Variants in PARD3B observed in about 807,000 individuals in gnomAD.
The protein encoded by PARD3B is par-3 family cell polarity regulator beta, also known as partitioning defective 3 homolog B.
In PARD3B, 103 loss-of-function variants were observed where a neutral mutation model predicts 130.2. The ratio of observed to expected loss-of-function variants is 0.79; its 90% CI spans 0.67 to 0.93. The LOEUF (loss-of-function observed/expected upper bound fraction) is 0.93, where lower values mean the gene tolerates loss of function less well. PARD3B is among the 40% of genes least tolerant of loss of function. PARD3B has a pLI of 0.00. For missense variants in PARD3B, 1,609 were observed against 1,499.2 expected (o/e 1.07, Z -1.21); for synonymous variants, 583 against 553.2 (o/e 1.05, Z -0.76).
chr2:205,416,256 CATAG>C (rs1439249940), intron 19 of PARD3B, among the ~76,000 whole-genome samples: 1 of 152,014 alleles, frequency 6.6e-6, no homozygotes, highest in African/African-American at 2.4e-5. Context: ...GATATAGTTA[CATAG>C]ATAGATAATA....
intron 2 of PARD3B, among the ~76,000 whole-genome samples, chr2:204,922,914 T>C (rs750080947): frequency 3.9e-5 from 6 of 152,096 alleles, no homozygotes; most frequent in Non-Finnish European, 8.8e-5. Context: ...ATAAACGATA[T>C]AACATACCTT....
chr2:204,932,093 T>A (rs756075765), intron 2 of PARD3B, among the ~76,000 whole-genome samples: 1 of 152,112 alleles, frequency 6.6e-6, no homozygotes, highest in East Asian at 1.9e-4. Flanking sequence ...TTTGGTATTA[T>A]CTTAGAGATC....
At chr2:205,372,822 G>A (rs968887839) in intron 18 of PARD3B, among the ~76,000 whole-genome samples, 4 of 152,006 alleles carry the variant, frequency 2.6e-5, no homozygotes, top group East Asian at 1.9e-4. Flanking sequence ...TCTACAAAAG[G>A]TCCAAAAATC....
intron 4 of PARD3B, among the ~76,000 whole-genome samples, chr2:205,085,494 G>A (rs2125524216): frequency 6.6e-6 from 1 of 151,820 alleles, no homozygotes; most frequent in South Asian, 2.1e-4. Context: ...TAAAAATTGA[G>A]TTTATTTTTA....
At position 205,274,368 on chromosome 2, in the gene PARD3B, G is replaced by T. The variant is rs1448188545; in HGVS notation, c.2186-26162G>T. On this transcript the variant is annotated intron_variant, in intron 16 of 22. Transcript: ENST00000406610. This position sits in a 1 kb window ranked among gnomAD's most constrained non-coding sequence, Gnocchi z 4.2. ...CTGATTTCATTCCTGATGTATAAAG[G>T]AAAATATTCCATTCCTTAAGTGCTT... 2.6e-5 allele frequency among the ~76,000 whole-genome samples: 4 copies of T among 151,922 alleles called. No individual in the cohort carries two copies. The highest frequency in any genetic ancestry group is 5.9e-5 in the Non-Finnish European group (4 of 67,972).
intron 20 of PARD3B, among the ~76,000 whole-genome samples, chr2:205,467,049 A>T (rs1451042568): frequency 6.6e-6 from 1 of 152,248 alleles, no homozygotes; most frequent in African/African-American, 2.4e-5. Flanking sequence ...CTGCTGTCTT[A>T]ATGTCTCTGA....
intron 18 of PARD3B, among the ~76,000 whole-genome samples, chr2:205,337,248 A>T (rs2043347886): frequency 6.6e-6 from 1 of 152,212 alleles, no homozygotes; most frequent in Non-Finnish European, 1.5e-5. Flanking sequence ...CTTGAGGTTT[A>T]TTTAAGCTAA....
intron 20 of PARD3B, among the ~76,000 whole-genome samples, chr2:205,490,198 C>G (rs1030004245): frequency 1.3e-5 from 2 of 152,026 alleles, no homozygotes; most frequent in African/African-American, 2.4e-5. Flanking sequence ...GTGCCATGTT[C>G]GTGTGCTGCA....
At chr2:204,973,473 T>G (rs187493788) in intron 3 of PARD3B, among the ~76,000 whole-genome samples, 1 of 149,852 alleles carries the variant, frequency 6.7e-6, no homozygotes, top group Admixed American at 6.7e-5. Context: ...CTTTTTGTAC[T>G]GACAATGTAA....
intron 2 of PARD3B, among the ~76,000 whole-genome samples, chr2:204,730,898 A>T (rs1454979579): frequency 6.6e-6 from 1 of 152,094 alleles, no homozygotes; most frequent in Non-Finnish European, 1.5e-5. Flanking sequence ...TTTCTGGGGG[A>T]TTTCTAGACT....
intron 16 of PARD3B, among the ~76,000 whole-genome samples, chr2:205,251,667 C>T (rs9288361): frequency 0.024 from 3,665 of 152,122 alleles, 63 homozygotes; most frequent in Middle Eastern, 0.048. Context: ...CTTTGGAACA[C>T]CAGTTATGGC....
At chr2:204,550,763 C>A (rs2030399225) in intron 1 of PARD3B, among the ~76,000 whole-genome samples, 1 of 152,160 alleles carries the variant, frequency 6.6e-6, no homozygotes, top group Admixed American at 6.5e-5. Flanking sequence ...CTAACAATTC[C>A]ATTCCCTGAT....
chr2:204,565,426 A>T (rs943280529), intron 1 of PARD3B, among the ~76,000 whole-genome samples: 8 of 152,206 alleles, frequency 5.3e-5, no homozygotes, highest in African/African-American at 1.7e-4. Context: ...CTGATCTTGT[A>T]TTCCTGTGTG....
At chr2:204,574,773 G>A (rs932734941) in intron 1 of PARD3B, among the ~76,000 whole-genome samples, 1 of 152,154 alleles carries the variant, frequency 6.6e-6, no homozygotes, top group South Asian at 2.1e-4. Context: ...TATCATGTCT[G>A]TGTTTCTCAA....
At chr2:204,555,982 C>A (rs2030897259) in intron 1 of PARD3B, among the ~76,000 whole-genome samples, 1 of 152,144 alleles carries the variant, frequency 6.6e-6, no homozygotes, top group Admixed American at 6.6e-5. Context: ...CTTATTTTAA[C>A]TGTATTTCTT....
chr2:204,812,234 T>C (rs545381039), intron 2 of PARD3B, among the ~76,000 whole-genome samples: 3 of 152,320 alleles, frequency 2.0e-5, no homozygotes, highest in Admixed American at 6.5e-5. Context: ...ATTTATTGTA[T>C]GGATATACCA....
chr2:205,060,251 A>G (rs1308443167), intron 4 of PARD3B, among the ~76,000 whole-genome samples: 1 of 151,876 alleles, frequency 6.6e-6, no homozygotes, highest in Admixed American at 6.6e-5. Flanking sequence ...TATAGTCACT[A>G]TTTTTCCTTC....
chr2:205,517,537 G>C (rs1205108613), intron 21 of PARD3B, among the ~76,000 whole-genome samples: 2 of 151,954 alleles, frequency 1.3e-5, no homozygotes, highest in East Asian at 3.9e-4. Context: ...ACAACTTCTG[G>C]AATCATTGAT....
intron 21 of PARD3B, among the ~76,000 whole-genome samples, chr2:205,504,800 A>C (rs1439808269): frequency 6.6e-6 from 1 of 152,232 alleles, no homozygotes; most frequent in East Asian, 1.9e-4. Context: ...TGGGACTGTA[A>C]ACCAGTTCAA....
Sources: allele counts gnomAD v4.1 joint callset (sites outside exome capture counted in the v4.1 genomes callset), GRCh38; gene constraint gnomAD v4.1.1; non-coding constraint Gnocchi (gnomAD v3.1); transcripts MANE v1.5; gene names NCBI Gene and HGNC (gene_info 2026-07-23, HGNC 2026-07-21).